Variants in FLNA observed in about 807,000 individuals in gnomAD.
The protein encoded by FLNA is filamin-A.
In FLNA, 7 loss-of-function variants were observed where a neutral mutation model predicts 157.6. The observed-to-expected ratio is 0.04, with a 90% CI of 0.03 to 0.08. The LOEUF (loss-of-function observed/expected upper bound fraction) is 0.08. Ranked by LOEUF, FLNA falls within the 10% of genes least tolerant of loss-of-function variation. The probability of loss-of-function intolerance (pLI) is 1.00; values close to 1 mark genes in which losing one functional copy is unlikely to be tolerated. For missense variants in FLNA, 1,750 were observed against 2,398.4 expected, an observed-to-expected ratio of 0.73 and a Z score of 5.65; for synonymous variants, 1,103 against 1,060.8, an observed-to-expected ratio of 1.04 and a Z score of -0.77.
intron 1 of FLNA, among the ~76,000 whole-genome samples, chrX:154,373,854 AT>A (rs1265248799): frequency 8.9e-6 from 1 of 112,814 alleles, no homozygotes; most frequent in Non-Finnish European, 1.9e-5. Flanking sequence ...ATTTTAACCT[AT>A]TTTGCCTGGC....
At chrX:154,361,888 G>C in intron 19 of FLNA, 91 bp downstream of exon 19, 5 of 1,120,237 alleles carry the variant, frequency 4.5e-6, no homozygotes, top group Non-Finnish European at 6.2e-6. Context: ...GGTAAGGAAT[G>C]AGAGTGGGCA....
intron 18 of FLNA, 40 bp downstream of exon 18, chrX:154,362,202 C>T (rs1267416383): frequency 3.3e-6 from 4 of 1,208,252 alleles, no homozygotes; most frequent in African/African-American, 1.7e-5. Context: ...CCCTCCTACC[C>T]TTGATGCCCC....
rs782811927 is a variant in FLNA, at chrX:154,350,154, C to G, written c.7210G>C (p.Val2404Leu). ...GGGATGTGGGTGCCGTTGAACTTGA[C>G]GTCAATCAGGTAAACGCCATTCTCC... ...PRENGVYLID[V>L]KFNGTHIPGS... Residue 2404 changes from valine (V) to leucine (L), a missense_variant, in exon 45 of 48, where the codon GTC becomes CTC. Around this residue, in one of 5 missense-constraint regions of FLNA, gnomAD observed 970 missense variants for 1,302.6 expected, o/e 0.74. Coordinates refer to ENST00000369850, the MANE Select transcript of FLNA (RefSeq NM_001110556.2). 5.8e-6 allele frequency: 7 copies of G among 1,211,461 alleles called. No homozygotes were observed. The South Asian group carries it at 1.1e-4, about 18-fold the overall frequency.
chrX:154,374,149 G>A (rs1160068959), intron 1 of FLNA, among the ~76,000 whole-genome samples: 2 of 112,313 alleles, frequency 1.8e-5, no homozygotes, highest in Non-Finnish European at 3.8e-5. Context: ...CTCGCCCTGA[G>A]TCCACACAAG....
chrX:154,361,089 A>AAG (rs2067706307), intron 21 of FLNA, among the ~76,000 whole-genome samples: 1 of 103,067 alleles, frequency 9.7e-6, no homozygotes, highest in Non-Finnish European at 2.0e-5. Flanking sequence ...AGAAAGAAAA[A>AAG]AAAAAAAAAG....
chrX:154,362,408 C>G lies in FLNA; in HGVS notation c.2565+10G>C. The G allele has an allele frequency of 8.3e-7, 1 of 1,210,921 alleles. No individual in the cohort carries two copies. Among genetic ancestry groups the G allele is most frequent in the Non-Finnish European group, 1.1e-6 (1 of 894,830 alleles). Reference sequence around the variant, plus strand: ...AATGACATCTTAGCGGCCAGGAGCGCAGCACCCACCTGGTCAGCAAAGAGG... The same window carrying G: ...AATGACATCTTAGCGGCCAGGAGCGGAGCACCCACCTGGTCAGCAAAGAGG... On this transcript the variant is annotated intron_variant, in intron 17 of 47. Transcript: ENST00000369850.
rs200694807 is a variant in FLNA, at chrX:154,349,522, T to C, written c.7596A>G (p.Ser2532=). ...CCTTGGTCAGAGAGTCTACAAACAC[T>C]GATGATGTCTCGTGGAGGCTGTGGT... The part of the protein sequence containing the change: ...VSNHSLHETS[S]VFVDSLTKAT... The change falls in exon 47 of 48, where the codon TCA becomes TCG. Residue 2532 remains serine, a synonymous_variant. Coordinates refer to ENST00000369850, the MANE Select transcript of FLNA (RefSeq NM_001110556.2). 1.1e-4 allele frequency: 138 copies of C among 1,211,045 alleles called. No homozygotes were observed. The highest frequency in any genetic ancestry group is 1.3e-4 in the Non-Finnish European group (120 of 895,212).
chrX:154,371,641 G>A (rs12846495), intron 1 of FLNA, among the ~76,000 whole-genome samples: 1 of 113,463 alleles, frequency 8.8e-6, no homozygotes, highest in South Asian at 3.5e-4. Flanking sequence ...GAAAGGCTGA[G>A]CAGTGTCTGG....
rs782502145 is a variant in FLNA, at chrX:154,349,689, G to A, written c.7512C>T (p.Pro2504=). 1 of 1,211,989 alleles carries A rather than the reference G, an allele frequency of 8.3e-7. No individual in the cohort carries two copies. ...TGAAGGGGCTGCCCCCAATGTGGTA[G>A]GGGCCGCCGTACTTGATGGAGATGA... The part of the protein sequence containing the change: ...SYLISIKYGG[P]YHIGGSPFKA... The change falls in exon 46 of 48, where the codon CCC becomes CCT. Residue 2504 remains proline, a synonymous_variant. Coordinates refer to ENST00000369850, the MANE Select transcript of FLNA (RefSeq NM_001110556.2).
At chrX:154,374,302 AG>A (rs1239073935) in intron 1 of FLNA, among the ~76,000 whole-genome samples, 2 of 112,409 alleles carry the variant, frequency 1.8e-5, no homozygotes, top group Non-Finnish European at 3.8e-5. Flanking sequence ...TGGGTCAACT[AG>A]GGAAGCTATT....
intron 1 of FLNA, among the ~76,000 whole-genome samples, chrX:154,373,593 C>T (rs985411661): frequency 1.1e-4 from 12 of 112,795 alleles, no homozygotes; most frequent in Admixed American, 1.9e-4. Flanking sequence ...CCACCCCTGG[C>T]CCTCAGACCC....
At chrX:154,373,859 G>A (rs1001493815) in intron 1 of FLNA, among the ~76,000 whole-genome samples, 9 of 113,165 alleles carry the variant, frequency 8.0e-5, no homozygotes, top group African/African-American at 2.9e-4. Flanking sequence ...AACCTATTTT[G>A]CCTGGCCCCA....
rs1368452449 is a variant in FLNA, at chrX:154,359,586, A to G, written c.4040T>C (p.Val1347Ala). The change falls in exon 24 of 48, where the codon GTG becomes GCG. Residue 1347 changes from valine to alanine, a missense_variant. Val to Ala is a moderately conservative substitution (Grantham distance 64). This residue lies in a region of FLNA where 970 missense variants were observed against 1,302.6 expected (regional missense o/e 0.74). Coordinates refer to ENST00000369850, the MANE Select transcript of FLNA (RefSeq NM_001110556.2). ...GGGGTCGCAGCCCTCGGTCACGGGC[A>G]CCTGGAAGGGGCTGCTGGGCACGGG... ...GSPVPSSPFQVPVTEGCDPSR... is the reference protein window; with the variant it reads ...GSPVPSSPFQAPVTEGCDPSR... 8.3e-7 allele frequency: 1 copy of G among 1,209,171 alleles called. No individual in the cohort carries two copies. The highest frequency in any genetic ancestry group is 3.0e-5 in the East Asian group (1 of 33,756).
intron 1 of FLNA, among the ~76,000 whole-genome samples, chrX:154,371,996 G>C (rs1261196769): frequency 1.8e-5 from 2 of 113,978 alleles, no homozygotes; most frequent in Non-Finnish European, 3.7e-5. Context: ...GGTCCCCGCA[G>C]ACCCCCTGCC....
At chrX:154,355,388 G>A (rs918711591) in intron 30 of FLNA, among the ~76,000 whole-genome samples, 8 of 113,789 alleles carry the variant, frequency 7.0e-5, no homozygotes, top group Non-Finnish European at 1.5e-4. Flanking sequence ...ACTCAGCCTC[G>A]TCCAGCACCA....
In FLNA at chrX:154,349,791, G is replaced by C. The variant is rs368746337; in HGVS notation, c.7410C>G (p.Ser2470=). ...GALSVTIDGP[S]KVKMDCQECP... ...ACTCCTGGCAATCCATCTTCACCTT[G>C]GAGGGGCCGTCAATGGTCACCGACA... The change falls in exon 46 of 48, where the codon TCC becomes TCG. Residue 2470 remains serine, a synonymous_variant. Transcript: ENST00000369850. 1 of 1,210,420 alleles carries C rather than the reference G, an allele frequency of 8.3e-7. No homozygotes were observed. Among genetic ancestry groups the C allele is most frequent in the African/African-American group, 1.7e-5 (1 of 57,570 alleles).
Position 154,353,075 on chromosome X carries a change from C to A in FLNA, c.6152G>T (p.Arg2051Leu), listed in dbSNP as rs782483195. Residue 2051 changes from arginine to leucine, a missense_variant, in exon 38 of 48, where the codon CGG becomes CTG. Coordinates refer to ENST00000369850, the MANE Select transcript of FLNA (RefSeq NM_001110556.2). ...TTCGTGAAGGCCCTGACCAGAGACC[C>A]GAACACGACTGGCATCCCCAATTTC... ...QSEIGDASRV[R>L]VSGQGLHEGH... 8.3e-7 allele frequency: 1 copy of A among 1,211,704 alleles called. No individual in the cohort carries two copies. Among genetic ancestry groups the A allele is most frequent in the East Asian group, 3.0e-5 (1 of 33,857 alleles).
chrX:154,371,019 C>T lies in FLNA; in HGVS notation c.227G>A (p.Arg76Gln). 1 of 1,208,237 alleles carries T rather than the reference C, an allele frequency of 8.3e-7. No individual in the cohort carries two copies. Among genetic ancestry groups the T allele is most frequent in the Non-Finnish European group, 1.1e-6 (1 of 893,690 alleles). ...GAGCACCTCCAACAGCGCGATAAGC[C>T]GCAGCCCGTCGCTCAGGTCCGTCTG... ...NLQTDLSDGL[R>Q]LIALLEVLSQ... Residue 76 changes from arginine (R) to glutamine (Q), a missense_variant, in exon 2 of 48, where the codon CGG (arginine) becomes CAG (glutamine). Physicochemically the swap from Arg to Gln is conservative, Grantham distance 43. This residue lies in a region of FLNA where 71 missense variants were observed against 239.5 expected (regional missense o/e 0.30). Coordinates refer to ENST00000369850, the MANE Select transcript of FLNA (RefSeq NM_001110556.2).
chrX:154,367,743 G>A lies in FLNA; in HGVS notation c.623-5C>T, dbSNP rs375914974. ...AGTCCCAGTCAGGACACAGGCCTGT[G>A]GCGCAAGGGAGGCTGTGAGTCTGGG... On this transcript the variant is annotated splice_polypyrimidine_tract_variant and splice_region_variant and intron_variant, in intron 3 of 47. Coordinates refer to ENST00000369850, the MANE Select transcript of FLNA (RefSeq NM_001110556.2). The A allele has an allele frequency of 5.8e-6, 7 of 1,209,246 alleles. No homozygotes were observed. In the African/African-American group the frequency reaches 1.2e-4, roughly 21 times the overall value.
Sources: allele counts gnomAD v4.1 joint callset (sites outside exome capture counted in the v4.1 genomes callset), GRCh38; gene constraint gnomAD v4.1.1; regional missense constraint gnomAD v4.1.1; transcripts MANE v1.5; gene names NCBI Gene and HGNC (gene_info 2026-07-23, HGNC 2026-07-21).